HAL: variants seen among roughly 807,000 people sequenced by gnomAD.
HAL encodes the protein histidine ammonia-lyase.
Under a neutral mutation model 81.1 loss-of-function variants are expected in HAL, and 85 were observed. That is an observed-to-expected ratio of 1.05 (90% CI 0.88 to 1.25). The LOEUF (loss-of-function observed/expected upper bound fraction) is 1.25. Ranked by LOEUF, HAL falls within the 50% of genes most tolerant of loss-of-function variation. The pLI, the probability that HAL is intolerant of heterozygous loss-of-function variation, is 0.00. For missense variants in HAL, 798 were observed against 836.6 expected (o/e 0.95, Z 0.57); for synonymous variants, 301 against 309.2 (o/e 0.97, Z 0.28).
At chr12:95,984,090 A>C in intron 14 of HAL, 99 bp from the exon 15 acceptor site, 1 of 699,628 alleles carries the variant, frequency 1.4e-6, no homozygotes, top group Non-Finnish European at 2.6e-6. Context: ...AAAGTTATAA[A>C]GAATACAGAA....
rs2080726931 is a variant in HAL at position 95,976,837 on chromosome 12, T to C, written c.1655-131A>G. On this transcript the variant is annotated intron_variant, in intron 18 of 20. Coordinates refer to ENST00000261208, the MANE Select transcript of HAL (RefSeq NM_002108.4). Reference sequence around the variant, plus strand: ...GTTTGTTCTCTGTCTATTGGTAGAATGAAGTTGCTTTGGTATTTAGTTGCC... The same window carrying C: ...GTTTGTTCTCTGTCTATTGGTAGAACGAAGTTGCTTTGGTATTTAGTTGCC... 14 of 715,662 alleles carry C rather than the reference T, an allele frequency of 2.0e-5. No homozygotes were observed. In the East Asian group the frequency reaches 2.7e-4, roughly 14 times the overall value. 44.3% of individuals were successfully genotyped at this position (715,662 alleles called of 1,614,324 possible). A position where few individuals can be genotyped will look rare whatever the true frequency, so the allele number is the denominator to read the frequency against.
intron 17 of HAL, 57 bp downstream of exon 17, chr12:95,980,499 A>G: frequency 1.3e-6 from 2 of 1,539,242 alleles, no homozygotes; most frequent in Non-Finnish European, 1.8e-6. Flanking sequence ...TCTAGGTGAA[A>G]TGGAAAGACC....
intron 17 of HAL, 31 bp downstream of exon 17, chr12:95,980,525 G>A (rs767416896): frequency 4.3e-5 from 69 of 1,603,786 alleles, no homozygotes; most frequent in South Asian, 3.7e-4. Context: ...ATGGACGGGC[G>A]TGTGTTCTGG....
intron 14 of HAL, 134 bp from the exon 15 acceptor site, chr12:95,984,125 T>C: frequency 1.6e-6 from 1 of 643,980 alleles, no homozygotes; most frequent in Non-Finnish European, 2.8e-6. Flanking sequence ...GTTATAACCA[T>C]GGAAATTATT....
intron 18 of HAL, among the ~76,000 whole-genome samples, chr12:95,977,240 A>G (rs908967121): frequency 1.3e-5 from 2 of 152,154 alleles, no homozygotes; most frequent in Admixed American, 6.5e-5. Context: ...GAATTCCACA[A>G]CTTCATCCTC....
At chr12:95,987,269 ACCCGTGGATT>A (rs1449171148) in intron 11 of HAL, 55 bp from the exon 12 acceptor site, 1 of 1,452,236 alleles carries the variant, frequency 6.9e-7, no homozygotes, top group Non-Finnish European at 9.7e-7. Flanking sequence ...GAACCTACAT[ACCCGTGGATT>A]TTGTATCTTT....
intron 9 of HAL, among the ~76,000 whole-genome samples, chr12:95,991,795 T>C (rs2136824183): frequency 6.6e-6 from 1 of 152,298 alleles, no homozygotes; most frequent in East Asian, 1.9e-4. Flanking sequence ...CTATATAGTA[T>C]GGCAGACCAA....
At chr12:95,988,151 A>C in intron 11 of HAL, 42 bp downstream of exon 11, 3 of 929,858 alleles carry the variant, frequency 3.2e-6, no homozygotes, top group Non-Finnish European at 5.4e-6. Flanking sequence ...GCATAAATAA[A>C]AACTCATGCA....
rs994520655 is a variant in HAL at position 95,991,258 on chromosome 12, TTTTG to T, written c.716-730_716-727del. ...TCAGGAACTAGCTGTTTTTTTTTGT[TTTTG>T]TTTTTGTTTTACAGTTCATTGTTTA... On this transcript the variant is annotated intron_variant, in intron 9 of 20. Coordinates refer to ENST00000261208, the MANE Select transcript of HAL (RefSeq NM_002108.4). 9.2e-5 allele frequency among the ~76,000 whole-genome samples: 14 copies of T among 152,326 alleles called. 1 individual carries two copies. The highest frequency in any genetic ancestry group is 4.6e-4 in the Admixed American group (7 of 15,302).
At chr12:95,986,220 TG>T (rs1437881950) in intron 12 of HAL, 60 bp from the exon 13 acceptor site, 1 of 1,023,624 alleles carries the variant, frequency 9.8e-7, no homozygotes, top group East Asian at 2.4e-5. Context: ...TTTTTAAAGA[TG>T]GGGGTCTCAC....
chr12:95,996,072 AGGT>A lies in HAL; in HGVS notation c.-82+3_-82+5del, dbSNP rs1950032836. On this transcript the variant is annotated splice_donor_5th_base_variant and intron_variant, in intron 1 of 20. Transcript: ENST00000261208. Reference sequence around the variant, plus strand: ...TCATGCATTGGACAAATATTTATTGAGGTACCTGCTGTCCCTTTGGTTTTTGTA... The same window carrying A: ...TCATGCATTGGACAAATATTTATTGAACCTGCTGTCCCTTTGGTTTTTGTA... The A allele has an allele frequency of 1.2e-5, 9 of 736,562 alleles. No individual in the cohort carries two copies. In the South Asian group the frequency reaches 1.3e-4, roughly 11 times the overall value. The allele number at this position is 736,562 out of a possible 1,614,324, so 45.6% of individuals were successfully genotyped here.
chr12:95,991,719 C>T (rs967851892), intron 9 of HAL, among the ~76,000 whole-genome samples: 6 of 152,132 alleles, frequency 3.9e-5, no homozygotes, highest in African/African-American at 1.4e-4. Context: ...CTCAGAGGTG[C>T]CTTAGACTCC....
intron 17 of HAL, 83 bp from the exon 18 acceptor site, chr12:95,978,161 A>G: frequency 1.0e-6 from 1 of 1,000,850 alleles, no homozygotes; most frequent in South Asian, 1.3e-5. Context: ...AGAGTGCTCC[A>G]CAGCATGGGA....
intron 9 of HAL, among the ~76,000 whole-genome samples, chr12:95,991,901 T>C (rs1031824274): frequency 5.9e-5 from 9 of 152,326 alleles, no homozygotes; most frequent in East Asian, 3.9e-4. Context: ...TCTCCACTCA[T>C]TGGCAGATCC....
intron 18 of HAL, 86 bp downstream of exon 18, chr12:95,977,858 A>G: frequency 7.2e-7 from 1 of 1,389,458 alleles, no homozygotes. Flanking sequence ...GGTGATGCTG[A>G]TGTTGCTGGT....
At chr12:95,975,464 G>A (rs2080706108) in intron 20 of HAL, among the ~76,000 whole-genome samples, 2 of 151,762 alleles carry the variant, frequency 1.3e-5, no homozygotes, top group Non-Finnish European at 2.9e-5. Flanking sequence ...GATCACTTGA[G>A]CCCAGGAGTT....
At chr12:95,977,153 G>A (rs1305496524) in intron 18 of HAL, among the ~76,000 whole-genome samples, 1 of 152,118 alleles carries the variant, frequency 6.6e-6, no homozygotes, top group Admixed American at 6.5e-5. Flanking sequence ...TTTACATCTC[G>A]TGGTTTCCAA....
At chr12:95,974,559 A>T (rs1217918817) in intron 20 of HAL, among the ~76,000 whole-genome samples, 187 bp from the exon 21 acceptor site, 1 of 152,186 alleles carries the variant, frequency 6.6e-6, no homozygotes, top group Non-Finnish European at 1.5e-5. Flanking sequence ...TGCATTAAAG[A>T]CTGTAAATAT....
At chr12:95,975,963 C>A in intron 20 of HAL, 1 of 241,436 alleles carries the variant, frequency 4.1e-6, no homozygotes, top group South Asian at 5.6e-5. Flanking sequence ...AAGAAAAACC[C>A]GCATCTCACC....
Sources: allele counts gnomAD v4.1 joint callset (sites outside exome capture counted in the v4.1 genomes callset), GRCh38; gene constraint gnomAD v4.1.1; transcripts MANE v1.5; gene names NCBI Gene and HGNC (gene_info 2026-07-23, HGNC 2026-07-21).